TYW1: variants seen among roughly 807,000 people sequenced by gnomAD.
The protein encoded by TYW1 is S-adenosyl-L-methionine-dependent tRNA 4-demethylwyosine synthase TYW1.
Under a neutral mutation model 96.2 loss-of-function variants are expected in TYW1, and 46 were observed. That is an observed-to-expected ratio of 0.48 (90% CI 0.38 to 0.61). TYW1 has a LOEUF of 0.61. Ranked by LOEUF, TYW1 falls within the 20% of genes least tolerant of loss-of-function variation. The pLI is 0.00. For synonymous variants in TYW1, 274 were observed against 323.0 expected (o/e 0.85, Z 1.63); for missense variants, 684 against 909.6 (o/e 0.75, Z 3.19).
intron 15 of TYW1, among the ~76,000 whole-genome samples, chr7:67,196,247 G>T (rs2116345851): frequency 6.6e-6 from 1 of 151,762 alleles, no homozygotes; most frequent in East Asian, 1.9e-4. Flanking sequence ...TTTCTGCTTG[G>T]TTTATTTCAA....
intron 12 of TYW1, among the ~76,000 whole-genome samples, chr7:67,110,670 G>A (rs1025534756): frequency 6.6e-6 from 1 of 152,076 alleles, no homozygotes; most frequent in African/African-American, 2.4e-5. Flanking sequence ...AACAAACCTG[G>A]GTTGAGAGGT....
At chr7:67,117,821 A>G (rs1032366383) in intron 13 of TYW1, among the ~76,000 whole-genome samples, 3 of 152,236 alleles carry the variant, frequency 2.0e-5, no homozygotes, top group African/African-American at 7.2e-5. Context: ...TTAAATAATT[A>G]TTGAGTTCCT....
intron 13 of TYW1, among the ~76,000 whole-genome samples, chr7:67,167,169 T>A (rs904950016): frequency 2.6e-5 from 4 of 152,120 alleles, no homozygotes; most frequent in African/African-American, 4.8e-5. Context: ...GTGCATTTTA[T>A]CCTGTTTAAG....
intron 12 of TYW1, among the ~76,000 whole-genome samples, chr7:67,109,592 G>T (rs1287478424): frequency 1.3e-5 from 2 of 151,904 alleles, no homozygotes; most frequent in Non-Finnish European, 2.9e-5. Context: ...TTGAAAACCA[G>T]TAGCTCGGCT....
chr7:67,071,989 G>C (rs1294241914), intron 10 of TYW1, among the ~76,000 whole-genome samples: 1 of 149,456 alleles, frequency 6.7e-6, no homozygotes, highest in East Asian at 2.0e-4. Flanking sequence ...TCCTGCTTGT[G>C]CTGAGCCTAA....
chr7:67,173,008 C>T (rs1475885492), intron 13 of TYW1, among the ~76,000 whole-genome samples: 1 of 152,066 alleles, frequency 6.6e-6, no homozygotes, highest in East Asian at 1.9e-4. Context: ...GCACTCCAGC[C>T]TGAGTGACAG....
chr7:67,134,038 T>C (rs1798170144), intron 13 of TYW1, among the ~76,000 whole-genome samples: 1 of 152,038 alleles, frequency 6.6e-6, no homozygotes. Context: ...ACTCCAGACT[T>C]GCATGTTATT....
At chr7:67,057,563 G>A (rs1332117551) in intron 9 of TYW1, among the ~76,000 whole-genome samples, 3 of 151,932 alleles carry the variant, frequency 2.0e-5, no homozygotes, top group Non-Finnish European at 2.9e-5. Context: ...TTGAGACGGG[G>A]TTTCACTATG....
At chr7:67,112,382 G>C (rs1797447671) in intron 12 of TYW1, among the ~76,000 whole-genome samples, 1 of 152,016 alleles carries the variant, frequency 6.6e-6, no homozygotes, top group Non-Finnish European at 1.5e-5. Context: ...TTCGGAGGCC[G>C]AGGCAGGCAG....
chr7:67,024,860 C>T (rs1275771374), intron 6 of TYW1, 40 bp from the exon 7 acceptor site: 1 of 1,608,946 alleles, frequency 6.2e-7, no homozygotes, highest in African/African-American at 1.3e-5. Context: ...TTTGCCTTTG[C>T]CCCTTTGAAC....
chr7:67,153,730 T>TA (rs1293511035), intron 13 of TYW1, among the ~76,000 whole-genome samples: 2 of 152,220 alleles, frequency 1.3e-5, no homozygotes, highest in Non-Finnish European at 2.9e-5. Flanking sequence ...TTGACATGTT[T>TA]AGTTTATACT....
chr7:67,235,707 C>T (rs1223936582), intron 15 of TYW1, among the ~76,000 whole-genome samples: 3 of 151,756 alleles, frequency 2.0e-5, no homozygotes, highest in Admixed American at 6.6e-5. Context: ...CTGGCTAACT[C>T]GGTAAAACAC....
chr7:67,037,815 T>G (rs1463280798), intron 7 of TYW1, among the ~76,000 whole-genome samples: 1 of 152,060 alleles, frequency 6.6e-6, no homozygotes, highest in Admixed American at 6.6e-5. Flanking sequence ...ATAAAAAAAA[T>G]TTAAAAAATA....
chr7:67,191,681 A>G (rs1023233648), intron 14 of TYW1, among the ~76,000 whole-genome samples: 1 of 150,164 alleles, frequency 6.7e-6, no homozygotes, highest in African/African-American at 2.5e-5. Context: ...GGTAGGATGA[A>G]GTGGGGCAGT....
chr7:67,140,848 C>A (rs2116111255), intron 13 of TYW1, among the ~76,000 whole-genome samples: 1 of 152,288 alleles, frequency 6.6e-6, no homozygotes, highest in South Asian at 2.1e-4. Context: ...AGCAAACTAT[C>A]CATCAGTCAG....
At chr7:67,043,494 A>G (rs1448560794) in intron 7 of TYW1, among the ~76,000 whole-genome samples, 5 of 152,092 alleles carry the variant, frequency 3.3e-5, no homozygotes, top group African/African-American at 1.2e-4. Context: ...ACAGTTACTC[A>G]CTGGAGAAAC....
In TYW1 at chr7:67,158,608, C is replaced by T. The variant is rs1344901318; in HGVS notation, c.1699-24518C>T. ...TTCTGGAGACGGAGTCTTGCTCTGT[C>T]GCCCAGGCTGGAGTGCAGTGGCATG... is the stretch of plus-strand genomic sequence containing the variant. On this transcript the variant is annotated intron_variant, in intron 13 of 15. Coordinates refer to ENST00000359626, the MANE Select transcript of TYW1 (RefSeq NM_018264.4). 7.9e-5 allele frequency among the ~76,000 whole-genome samples: 12 copies of T among 152,104 alleles called. No individual in the cohort carries two copies. The East Asian group carries it at 1.6e-3, about 20-fold the overall frequency.
intron 7 of TYW1, among the ~76,000 whole-genome samples, chr7:67,030,782 CT>C (rs1453539071): frequency 6.6e-6 from 1 of 151,940 alleles, no homozygotes; most frequent in Non-Finnish European, 1.5e-5. Context: ...GCCTCAGAGA[CT>C]TATGGACACC....
At chr7:67,172,051 G>T (rs1384618358) in intron 13 of TYW1, among the ~76,000 whole-genome samples, 1 of 151,986 alleles carries the variant, frequency 6.6e-6, no homozygotes, top group Non-Finnish European at 1.5e-5. Flanking sequence ...TTTATAGTTT[G>T]CATGAAATAC....
Sources: allele counts gnomAD v4.1 joint callset (sites outside exome capture counted in the v4.1 genomes callset), GRCh38; gene constraint gnomAD v4.1.1; transcripts MANE v1.5; gene names NCBI Gene and HGNC (gene_info 2026-07-23, HGNC 2026-07-21).